Variants in ADGRB3 observed in about 807,000 individuals in gnomAD.
ADGRB3 encodes the protein adhesion G protein-coupled receptor B3.
ADGRB3 carries 37 observed loss-of-function variants against 193.4 expected under a neutral mutation model. The ratio of observed to expected loss-of-function variants is 0.19; its 90% confidence interval spans 0.15 to 0.25. The LOEUF (loss-of-function observed/expected upper bound fraction) is 0.25. Ranked by LOEUF, ADGRB3 falls within the 10% of genes least tolerant of loss-of-function variation. The pLI is 1.00. For missense variants in ADGRB3, 1,637 were observed against 1,852.9 expected (o/e 0.88, Z 2.14); for synonymous variants, 690 against 644.2 (o/e 1.07, Z -1.08).
At chr6:68,676,277 G>A (rs1029191248) in intron 3 of ADGRB3, among the ~76,000 whole-genome samples, 1 of 151,202 alleles carries the variant, frequency 6.6e-6, no homozygotes, top group Admixed American at 6.6e-5. Context: ...CTGTAATCCC[G>A]CTACTCAGGA....
At chr6:69,343,783 T>C (rs781232798) in intron 26 of ADGRB3, among the ~76,000 whole-genome samples, 36 of 152,298 alleles carry the variant, frequency 2.4e-4, no homozygotes, top group Non-Finnish European at 4.4e-4. Flanking sequence ...ATACATAGTT[T>C]TAGCAACAGA....
At chr6:68,770,178 T>C (rs567341403) in intron 3 of ADGRB3, among the ~76,000 whole-genome samples, 1 of 152,220 alleles carries the variant, frequency 6.6e-6, no homozygotes, top group East Asian at 1.9e-4. Context: ...TTATTGATTA[T>C]TTGGCCAGTG....
intron 8 of ADGRB3, among the ~76,000 whole-genome samples, chr6:68,957,833 A>G (rs1322884722): frequency 6.6e-6 from 1 of 152,188 alleles, no homozygotes; most frequent in South Asian, 2.1e-4. Flanking sequence ...ACAGTACAAC[A>G]CTAAGAATAA....
At chr6:69,285,270 A>T (rs1767523252) in intron 20 of ADGRB3, among the ~76,000 whole-genome samples, 1 of 152,216 alleles carries the variant, frequency 6.6e-6, no homozygotes, top group Admixed American at 6.5e-5. Context: ...TGATAAGTTC[A>T]TTTGTAGTCT....
intron 3 of ADGRB3, among the ~76,000 whole-genome samples, chr6:68,742,219 C>T (rs1303950480): frequency 6.6e-6 from 1 of 152,146 alleles, no homozygotes; most frequent in Non-Finnish European, 1.5e-5. Flanking sequence ...GTGGCTTCTT[C>T]ATGATGTAAA....
intron 3 of ADGRB3, among the ~76,000 whole-genome samples, chr6:68,826,625 G>A (rs1456755122): frequency 6.6e-6 from 1 of 152,106 alleles, no homozygotes; most frequent in Admixed American, 6.5e-5. Flanking sequence ...AGATAGACTG[G>A]AATTGGTCAA....
intron 17 of ADGRB3, among the ~76,000 whole-genome samples, chr6:69,127,011 G>A (rs1301891616): frequency 1.3e-5 from 2 of 152,214 alleles, no homozygotes; most frequent in African/African-American, 4.8e-5. Flanking sequence ...AATTGAGATT[G>A]GGTTGGAAGC....
intron 30 of ADGRB3, among the ~76,000 whole-genome samples, chr6:69,381,284 C>T (rs1392924526): frequency 6.6e-6 from 1 of 151,854 alleles, no homozygotes; most frequent in African/African-American, 2.4e-5. Context: ...GTATATTCCC[C>T]CCCAAACTGA....
intron 15 of ADGRB3, 60 bp downstream of exon 15, chr6:69,049,406 G>T: frequency 3.3e-6 from 4 of 1,226,946 alleles, no homozygotes; most frequent in Non-Finnish European, 4.6e-6. Context: ...TGTGATTATA[G>T]CTCATTCTAT....
chr6:68,870,345 AT>A (rs1213386736), intron 3 of ADGRB3, among the ~76,000 whole-genome samples: 1 of 152,198 alleles, frequency 6.6e-6, no homozygotes, highest in East Asian at 1.9e-4. Flanking sequence ...ACTATTTAGT[AT>A]TTTAATCATT....
chr6:69,278,798 A>C (rs1767356230), intron 20 of ADGRB3, among the ~76,000 whole-genome samples: 1 of 151,936 alleles, frequency 6.6e-6, no homozygotes, highest in African/African-American at 2.4e-5. Flanking sequence ...GTAAATTGGG[A>C]GTAATAATAT....
At chr6:68,674,893 A>G (rs552505333) in intron 3 of ADGRB3, among the ~76,000 whole-genome samples, 1 of 152,306 alleles carries the variant, frequency 6.6e-6, no homozygotes, top group African/African-American at 2.4e-5. Context: ...TTGGGAGAGC[A>G]GAGGAACATA....
At chr6:68,644,775 G>C (rs1001360777) in intron 3 of ADGRB3, among the ~76,000 whole-genome samples, 1 of 152,138 alleles carries the variant, frequency 6.6e-6, no homozygotes, top group African/African-American at 2.4e-5. Context: ...CCATTACATG[G>C]TAGCATATTT....
Position 68,894,544 on chromosome 6 carries a change from C to T in ADGRB3, c.758-36015C>T, listed in dbSNP as rs117288849. ...AGCCCTCAAAAGACTGCACTTTGTT[C>T]CCTTTATCTGCCTCCCTTGCCCAAA... On this transcript the variant is annotated intron_variant, in intron 3 of 31. Transcript: ENST00000370598. Among the ~76,000 whole-genome samples, 606 of 151,998 alleles carry T rather than the reference C, an allele frequency of 4.0e-3. 2 individuals are homozygous for T. Among genetic ancestry groups the T allele is most frequent in the Non-Finnish European group, 7.5e-3 (508 of 67,846 alleles).
intron 3 of ADGRB3, among the ~76,000 whole-genome samples, chr6:68,649,609 A>G (rs887658072): frequency 1.3e-5 from 2 of 152,234 alleles, no homozygotes; most frequent in Non-Finnish European, 2.9e-5. Context: ...TTTAAAGAGC[A>G]TGTATTTCAA....
chr6:69,031,598 T>TC (rs1770710656), intron 13 of ADGRB3, among the ~76,000 whole-genome samples: 1 of 130,714 alleles, frequency 7.7e-6, no homozygotes, highest in Non-Finnish European at 1.7e-5. Flanking sequence ...CTTTCTTTCT[T>TC]CTCTTTCCTT....
At chr6:69,307,916 A>C (rs529925891) in intron 20 of ADGRB3, among the ~76,000 whole-genome samples, 1 of 151,510 alleles carries the variant, frequency 6.6e-6, no homozygotes, top group Non-Finnish European at 1.5e-5. Flanking sequence ...TTATGTATTA[A>C]ATGTAAAACT....
intron 12 of ADGRB3, among the ~76,000 whole-genome samples, chr6:69,014,451 A>G (rs964006538): frequency 7.9e-5 from 12 of 152,014 alleles, no homozygotes; most frequent in Admixed American, 2.6e-4. Flanking sequence ...TGGAGCTTTG[A>G]CTAGTAAAAC....
chr6:68,697,433 A>C (rs1765175481), intron 3 of ADGRB3, among the ~76,000 whole-genome samples: 1 of 151,970 alleles, frequency 6.6e-6, no homozygotes, highest in Non-Finnish European at 1.5e-5. Flanking sequence ...TTCTTTTAAA[A>C]AAAATACATG....
Sources: gnomAD v4.1 joint callset for allele counts (sites outside exome capture counted in the v4.1 genomes callset) on GRCh38, gnomAD v4.1.1 for gene constraint, MANE v1.5 for transcripts, NCBI Gene and HGNC (gene_info 2026-07-23, HGNC 2026-07-21) for gene names.